Variants in FLT1 observed in about 807,000 individuals in gnomAD.
FLT1 encodes the protein vascular endothelial growth factor receptor 1.
Under a neutral mutation model 156.3 loss-of-function variants are expected in FLT1, and 49 were observed. The ratio of observed to expected loss-of-function variants is 0.31; its 90% confidence interval spans 0.25 to 0.40. FLT1 has a LOEUF of 0.40. FLT1 is among the 10% of genes least tolerant of loss of function. The probability of loss-of-function intolerance (pLI) is 1.00; values close to 1 mark genes in which losing one functional copy is unlikely to be tolerated. For missense variants in FLT1, 1,322 were observed against 1,637.2 expected (o/e 0.81, Z 3.32); for synonymous variants, 594 against 583.8 (o/e 1.02, Z -0.25).
rs1307767758 is a variant in FLT1, at chr13:28,303,029, TAAAA to T, written c.*134_*137del. ...TTAGTCAAAAAAAAAAAAGCACTAT[TAAAA>T]AAATCACAAAAAGCAGCTGGCTCCC... On this transcript the variant is annotated 3_prime_UTR_variant, in exon 30 of 30. Transcript: ENST00000282397. 3 of 724,066 alleles carry T rather than the reference TAAAA, an allele frequency of 4.1e-6. No individual in the cohort carries two copies. The highest frequency in any genetic ancestry group is 6.7e-6 in the Non-Finnish European group (3 of 446,412). The allele number at this position is 724,066 out of a possible 1,614,324, so 44.9% of individuals were successfully genotyped here.
rs574479923 is a variant in FLT1 at position 28,387,725 on chromosome 13, G to A, written c.1969+2071C>T. On this transcript the variant is annotated intron_variant, in intron 13 of 29. Coordinates refer to ENST00000282397, the MANE Select transcript of FLT1 (RefSeq NM_002019.4). ...CTCCTTTTTTTTTTCTCCCCCCTCC[G>A]TTATCTTCACCTCCCTTCATACCCC... 409 of 1,028,170 alleles carry A rather than the reference G, an allele frequency of 4.0e-4. 1 individual carries two copies. The highest frequency in any genetic ancestry group is 1.2e-3 in the African/African-American group (62 of 53,294). The allele number at this position is 1,028,170 out of a possible 1,614,324, so 63.7% of individuals were successfully genotyped here.
intron 14 of FLT1, among the ~76,000 whole-genome samples, chr13:28,372,556 T>A (rs1873651412): frequency 1.1e-5 from 1 of 92,158 alleles, no homozygotes; most frequent in South Asian, 3.7e-4. Flanking sequence ...ATTCCTCGTT[T>A]AAATAAAATG....
At chr13:28,447,643 G>A (rs931156045) in intron 3 of FLT1, among the ~76,000 whole-genome samples, 3 of 152,024 alleles carry the variant, frequency 2.0e-5, no homozygotes, top group African/African-American at 7.2e-5. Flanking sequence ...AGAACACTGT[G>A]TAGAAAGTGA....
rs1191545292 is a variant in FLT1, at chr13:28,386,094, G to C, written c.1970-1063C>G. The C allele has an allele frequency of 4.7e-6, 5 of 1,054,414 alleles. No individual in the cohort carries two copies. In the South Asian group the frequency reaches 2.3e-4, roughly 48 times the overall value. The allele number at this position is 1,054,414 out of a possible 1,614,324, so 65.3% of individuals were successfully genotyped here. On this transcript the variant is annotated intron_variant, in intron 13 of 29. Transcript: ENST00000282397. Reference sequence around the variant, plus strand: ...CACTGTCTTCAATTATACAGTATGAGCTTTCTCTGCCCATTTTCGATTTCC... The same window carrying C: ...CACTGTCTTCAATTATACAGTATGACCTTTCTCTGCCCATTTTCGATTTCC...
intron 15 of FLT1, among the ~76,000 whole-genome samples, chr13:28,351,320 G>T (rs537804147): frequency 1.0e-3 from 158 of 152,276 alleles, no homozygotes; most frequent in African/African-American, 3.8e-3. Flanking sequence ...CATGTTTCTT[G>T]TTCGCTTTGA....
intron 1 of FLT1, among the ~76,000 whole-genome samples, chr13:28,494,217 C>T (rs1881625782): frequency 6.6e-6 from 1 of 152,216 alleles, no homozygotes. Flanking sequence ...TCCTCCTGCT[C>T]CCCCGCAGGC....
At chr13:28,313,871 G>A (rs914885163) in intron 25 of FLT1, among the ~76,000 whole-genome samples, 70 of 137,854 alleles carry the variant, frequency 5.1e-4, no homozygotes, top group Non-Finnish European at 7.5e-4. Flanking sequence ...GCCAAAGGCA[G>A]TAAGAATACA....
chr13:28,310,735 A>T (rs1309357963), intron 27 of FLT1, among the ~76,000 whole-genome samples: 1 of 152,222 alleles, frequency 6.6e-6, no homozygotes, highest in Non-Finnish European at 1.5e-5. Context: ...ACAAATGAAA[A>T]CACAGCTCGC....
In FLT1 at chr13:28,339,161, A is replaced by G. The variant is rs1253404847; in HGVS notation, c.2488+7T>C. 2 of 1,613,700 alleles carry G rather than the reference A, an allele frequency of 1.2e-6. No individual in the cohort carries two copies. Among genetic ancestry groups the G allele is most frequent in the Non-Finnish European group, 8.5e-7 (1 of 1,179,746 alleles). Reference sequence around the variant, plus strand: ...AGGTTTATGAATCTGTTGAACAAATATCTTACCCAGTTTAAGTCTCTCCCG... The same window carrying G: ...AGGTTTATGAATCTGTTGAACAAATGTCTTACCCAGTTTAAGTCTCTCCCG... On this transcript the variant is annotated splice_region_variant and intron_variant, in intron 17 of 29. Transcript: ENST00000282397.
chr13:28,446,587 T>G (rs1196539965), intron 3 of FLT1, among the ~76,000 whole-genome samples: 1 of 152,190 alleles, frequency 6.6e-6, no homozygotes, highest in Non-Finnish European at 1.5e-5. Flanking sequence ...AGGAATATAT[T>G]TAACAAAAGA....
rs369030037 is a variant in FLT1 at position 28,303,197 on chromosome 13, C to T, written c.3987G>A (p.Ser1329=). The change falls in exon 30 of 30, where the codon TCG becomes TCA. Residue 1329 remains serine (S), a synonymous_variant. Coordinates refer to ENST00000282397, the MANE Select transcript of FLT1 (RefSeq NM_002019.4). ...TGGGTGGGGTGGAGTACAGGACCACCGAGTTGTAGTCTGGGGGCGGGGAGC... is the reference window on the plus strand; with the variant it reads ...TGGGTGGGGTGGAGTACAGGACCACTGAGTTGTAGTCTGGGGGCGGGGAGC... ...ACCSPPPDYN[S]VVLYSTPPI The T allele has an allele frequency of 4.5e-4, 719 of 1,612,296 alleles. No individual in the cohort carries two copies. The highest frequency in any genetic ancestry group is 9.2e-4 in the Admixed American group (55 of 60,000).
At chr13:28,388,500 C>T in intron 13 of FLT1, 1 of 1,038,564 alleles carries the variant, frequency 9.6e-7, no homozygotes, top group Non-Finnish European at 1.2e-6. Context: ...AATGATCAAT[C>T]ATAAATAAAA....
intron 16 of FLT1, among the ~76,000 whole-genome samples, chr13:28,340,020 G>A (rs1872269961): frequency 6.6e-6 from 1 of 152,110 alleles, no homozygotes; most frequent in African/African-American, 2.4e-5. Flanking sequence ...TTCAAGACCA[G>A]GCTGGCCAAC....
chr13:28,356,128 C>G (rs1183870590), intron 15 of FLT1, among the ~76,000 whole-genome samples: 3 of 152,094 alleles, frequency 2.0e-5, no homozygotes, highest in Non-Finnish European at 4.4e-5. Context: ...CAGTTTTCTC[C>G]TCTGGTCTGC....
intron 20 of FLT1, among the ~76,000 whole-genome samples, chr13:28,325,044 CT>C (rs1326608231): frequency 1.3e-5 from 2 of 152,160 alleles, no homozygotes; most frequent in African/African-American, 4.8e-5. Flanking sequence ...TTGGTTTTGC[CT>C]TTCCTTTACC....
chr13:28,469,426 C>T (rs1397895102), intron 1 of FLT1, among the ~76,000 whole-genome samples: 3 of 152,276 alleles, frequency 2.0e-5, no homozygotes, highest in Admixed American at 6.5e-5. Flanking sequence ...AGAAGATCTG[C>T]GTTTGAGGCT....
chr13:28,425,884 A>G (rs1356858593), intron 10 of FLT1, among the ~76,000 whole-genome samples: 2 of 152,216 alleles, frequency 1.3e-5, no homozygotes, highest in African/African-American at 2.4e-5. Context: ...ACAGTGGTAA[A>G]GAAGATATTT....
chr13:28,436,650 G>A (rs1016034913), intron 4 of FLT1, among the ~76,000 whole-genome samples: 4 of 152,164 alleles, frequency 2.6e-5, no homozygotes, highest in African/African-American at 9.7e-5. Flanking sequence ...TAATCATACA[G>A]CAATAATTAT....
intron 27 of FLT1, among the ~76,000 whole-genome samples, chr13:28,309,884 C>CTT (rs60568918): frequency 0.14 from 13,087 of 90,482 alleles, 811 homozygotes; most frequent in Non-Finnish European, 0.18. Context: ...TTCTTTTTTC[C>CTT]TTTTTTTTTT....
Sources: allele counts gnomAD v4.1 joint callset (sites outside exome capture counted in the v4.1 genomes callset), GRCh38; gene constraint gnomAD v4.1.1; transcripts MANE v1.5; gene names NCBI Gene and HGNC (gene_info 2026-07-23, HGNC 2026-07-21).